The following VPS13C variants were observed in gnomAD, a reference collection of about 807,000 sequenced individuals.
The protein encoded by VPS13C is intermembrane lipid transfer protein VPS13C.
Under a neutral mutation model 456.8 loss-of-function variants are expected in VPS13C, and 358 were observed. The observed-to-expected ratio is 0.78, with a 90% CI of 0.72 to 0.86. The LOEUF (loss-of-function observed/expected upper bound fraction) is 0.86. Ranked by LOEUF, VPS13C falls within the 40% of genes least tolerant of loss-of-function variation. The pLI is 0.00. For missense variants in VPS13C, 4,818 were observed against 4,385.4 expected (o/e 1.10, Z -2.79); for synonymous variants, 1,578 against 1,486.7 (o/e 1.06, Z -1.41).
chr15:61,884,385 G>A, intron 67 of VPS13C, 116 bp from the exon 68 acceptor site: 1 of 1,111,278 alleles, frequency 9.0e-7, no homozygotes, highest in South Asian at 1.6e-5. Flanking sequence ...ATTGGTATAA[G>A]GGACTTCTTA....
At position 62,036,903 on chromosome 15, in the gene VPS13C, TTGAGCTTAATTAGCCACAC is replaced by T. The variant is rs199944289; in HGVS notation, c.188-1870_188-1852del. Among the ~76,000 whole-genome samples the T allele has an allele frequency of 1.3e-4, 20 of 151,582 alleles. No individual in the cohort carries two copies. In the East Asian group the frequency reaches 3.5e-3, roughly 27 times the overall value. On this transcript the variant is annotated intron_variant, in intron 3 of 84. Transcript: ENST00000644861. ...TAGCTCTTAGAAAACCAAATCACAC[TTGAGCTTAATTAGCCACAC>T]TGACCCTACAGGTTAGGTATAATAT... is the stretch of plus-strand genomic sequence containing the variant.
In VPS13C at chr15:61,927,165, C is replaced by A; in HGVS notation, c.6442G>T (p.Glu2148Ter). The change falls in exon 52 of 85, where the codon GAA becomes TAA. Residue 2148 changes from glutamate to a stop codon, truncating the protein, a stop_gained. Coordinates refer to ENST00000644861, the MANE Select transcript of VPS13C (RefSeq NM_020821.3). LOFTEE classifies it high-confidence loss of function. ...LSTSKLEQMM[E>*]ASVRDLKVLA... The stretch of plus-strand genomic sequence containing the variant: ...ACTTTCAGATCTCTCACAGAAGCTT[C>A]CATCATCTGTTCGAGTTTGGATGTT... 10 of 1,614,168 alleles carry A rather than the reference C, an allele frequency of 6.2e-6. No homozygotes were observed. Among genetic ancestry groups the A allele is most frequent in the Non-Finnish European group, 8.5e-6 (10 of 1,180,022 alleles).
chr15:62,028,550 G>T (rs562998608), intron 5 of VPS13C, 130 bp from the exon 6 acceptor site: 1 of 864,794 alleles, frequency 1.2e-6, no homozygotes, highest in Non-Finnish European at 1.8e-6. Flanking sequence ...TTAAAATTTG[G>T]TGACACCAAA....
At chr15:62,047,474 C>T (rs573382436) in intron 1 of VPS13C, among the ~76,000 whole-genome samples, 1 of 151,892 alleles carries the variant, frequency 6.6e-6, no homozygotes, top group Admixed American at 6.6e-5. Context: ...ATTTCTGCCA[C>T]CCAGTCTGAC....
chr15:62,017,536 A>T (rs1463711616), intron 9 of VPS13C, among the ~76,000 whole-genome samples: 1 of 152,202 alleles, frequency 6.6e-6, no homozygotes, highest in Non-Finnish European at 1.5e-5. Context: ...CATTTGTTAA[A>T]TAGGGAATCC....
At chr15:61,916,918 T>C (rs1310787665) in intron 60 of VPS13C, among the ~76,000 whole-genome samples, 1 of 152,220 alleles carries the variant, frequency 6.6e-6, no homozygotes, top group Admixed American at 6.5e-5. Context: ...GAATTTTACT[T>C]AATTAATAAA....
chr15:61,976,391 A>G (rs372195017), intron 24 of VPS13C, among the ~76,000 whole-genome samples: 43 of 152,236 alleles, frequency 2.8e-4, no homozygotes, highest in African/African-American at 9.6e-4. Context: ...CAAAAAAGTT[A>G]AAAGTCTAAC....
chr15:61,855,704 T>G (rs1367698429), intron 83 of VPS13C, among the ~76,000 whole-genome samples: 6 of 152,008 alleles, frequency 3.9e-5, no homozygotes, highest in African/African-American at 1.4e-4. Context: ...CTAAAGAAAT[T>G]GCCATATTTA....
At chr15:62,040,516 T>A (rs1162501705) in intron 3 of VPS13C, among the ~76,000 whole-genome samples, 2 of 151,768 alleles carry the variant, frequency 1.3e-5, no homozygotes, top group Non-Finnish European at 2.9e-5. Context: ...AATAAAAAAA[T>A]TTAATGGAAA....
At chr15:62,056,086 C>T (rs1170175431) in intron 1 of VPS13C, among the ~76,000 whole-genome samples, 1 of 152,114 alleles carries the variant, frequency 6.6e-6, no homozygotes. Context: ...TTAGACATTC[C>T]AGTTAAGATG....
At chr15:61,989,668 C>T (rs2046163910) in intron 18 of VPS13C, among the ~76,000 whole-genome samples, 1 of 152,036 alleles carries the variant, frequency 6.6e-6, no homozygotes, top group African/African-American at 2.4e-5. Context: ...AGTGCAAAAC[C>T]TCTTTAGTCA....
intron 13 of VPS13C, among the ~76,000 whole-genome samples, chr15:62,009,003 A>G (rs1434903901): frequency 6.6e-6 from 1 of 152,182 alleles, no homozygotes; most frequent in African/African-American, 2.4e-5. Flanking sequence ...CTACTACAAA[A>G]GAAAACTGCT....
intron 22 of VPS13C, among the ~76,000 whole-genome samples, chr15:61,979,688 T>C (rs780059510): frequency 3.3e-5 from 5 of 152,166 alleles, no homozygotes; most frequent in Non-Finnish European, 5.9e-5. Context: ...GCAGAAACAA[T>C]AGTCAACACC....
chr15:61,904,159 G>T (rs926500831), intron 66 of VPS13C, among the ~76,000 whole-genome samples: 1 of 151,862 alleles, frequency 6.6e-6, no homozygotes, highest in Non-Finnish European at 1.5e-5. Context: ...AAGGCTTCAC[G>T]GCAAAGGAAA....
intron 50 of VPS13C, among the ~76,000 whole-genome samples, chr15:61,930,748 A>T (rs1371380883): frequency 6.6e-6 from 1 of 152,232 alleles, no homozygotes; most frequent in Non-Finnish European, 1.5e-5. Flanking sequence ...AAAAATCCAT[A>T]GCTTGAAGGC....
At chr15:62,041,852 T>C (rs547798261) in intron 2 of VPS13C, among the ~76,000 whole-genome samples, 2 of 152,100 alleles carry the variant, frequency 1.3e-5, no homozygotes, top group East Asian at 3.9e-4. Context: ...ACTTTGACTT[T>C]AAAGAAAGAA....
intron 1 of VPS13C, among the ~76,000 whole-genome samples, chr15:62,053,040 T>C (rs941665423): frequency 2.6e-5 from 4 of 152,246 alleles, no homozygotes; most frequent in Non-Finnish European, 5.9e-5. Context: ...TAATTTTTAA[T>C]TAGTAATGCT....
chr15:61,926,535 A>C (rs2043855579), intron 52 of VPS13C, among the ~76,000 whole-genome samples: 1 of 152,220 alleles, frequency 6.6e-6, no homozygotes, highest in African/African-American at 2.4e-5. Context: ...TTGTCCACAA[A>C]TTTTTTACAT....
chr15:61,885,666 A>G (rs1168692713), intron 67 of VPS13C, among the ~76,000 whole-genome samples: 2 of 152,158 alleles, frequency 1.3e-5, no homozygotes, highest in Admixed American at 6.5e-5. Flanking sequence ...CCTGCTCACA[A>G]ATAATACAAT....
Sources: allele counts gnomAD v4.1 joint callset (sites outside exome capture counted in the v4.1 genomes callset), GRCh38; gene constraint gnomAD v4.1.1; transcripts MANE v1.5; gene names NCBI Gene and HGNC (gene_info 2026-07-23, HGNC 2026-07-21).